The following NTN1 variants were observed in gnomAD, a reference collection of about 807,000 sequenced individuals.
NTN1 encodes the protein netrin-1.
A neutral mutation model predicts 54.2 loss-of-function variants in NTN1; 11 were observed. The ratio of observed to expected loss-of-function variants is 0.20; its 90% CI spans 0.13 to 0.34. NTN1 has a LOEUF of 0.34. Ranked by LOEUF, NTN1 falls within the 10% of genes least tolerant of loss-of-function variation. NTN1 has a pLI of 1.00. For missense variants in NTN1, 740 were observed against 893.1 expected, an observed-to-expected ratio of 0.83 and a Z score of 2.18; for synonymous variants, 371 against 382.0, an observed-to-expected ratio of 0.97 and a Z score of 0.33.
chr17:9,162,768 C>G, intron 2 of NTN1, 45 bp from the exon 3 acceptor site: 1 of 1,560,656 alleles, frequency 6.4e-7, no homozygotes, highest in Non-Finnish European at 8.7e-7. Context: ...TGCCTGTCCT[C>G]CCCGCGCCCC....
chr17:9,186,013 T>C (rs1261682251), intron 5 of NTN1, among the ~76,000 whole-genome samples: 1 of 151,782 alleles, frequency 6.6e-6, no homozygotes, highest in African/African-American at 2.4e-5. Flanking sequence ...GAGCTCCTCC[T>C]GCTGGGGTTT....
chr17:9,040,742 G>T (rs979648628), intron 2 of NTN1, among the ~76,000 whole-genome samples: 1 of 151,674 alleles, frequency 6.6e-6, no homozygotes, highest in African/African-American at 2.4e-5. Context: ...GTTCTTTATT[G>T]TACTCAATGG....
chr17:9,128,695 G>A (rs540896520), intron 2 of NTN1, among the ~76,000 whole-genome samples: 46 of 152,286 alleles, frequency 3.0e-4, no homozygotes, highest in African/African-American at 8.4e-4. Flanking sequence ...TCCCTGTGGT[G>A]TACCGAGGGA....
chr17:9,178,283 G>A (rs1050153664), intron 3 of NTN1, among the ~76,000 whole-genome samples: 2 of 152,308 alleles, frequency 1.3e-5, no homozygotes, highest in South Asian at 2.1e-4. Flanking sequence ...TACAGGCAGG[G>A]AGCCCTGTAG....
chr17:9,070,086 T>C (rs2092027649), intron 2 of NTN1, among the ~76,000 whole-genome samples: 1 of 152,230 alleles, frequency 6.6e-6, no homozygotes. Flanking sequence ...ACTAAGAGGT[T>C]GGACCCTGTA....
chr17:9,195,192 A>ACCGCCCCCCCCCCCCCCCC (rs3031881), intron 5 of NTN1, among the ~76,000 whole-genome samples: 68 of 142,444 alleles, frequency 4.8e-4, no homozygotes, highest in Non-Finnish European at 6.6e-4. Flanking sequence ...GGCGAGCTCT[A>ACCGCCCCCCCCCCCCCCCC]CCACCCCTCC....
intron 2 of NTN1, among the ~76,000 whole-genome samples, chr17:9,126,835 G>A (rs2092248938): frequency 3.9e-5 from 6 of 152,092 alleles, no homozygotes; most frequent in African/African-American, 9.7e-5. Context: ...TCAGCTCGAG[G>A]GGGCTGTATT....
chr17:9,157,445 T>G (rs1174896185), intron 2 of NTN1, among the ~76,000 whole-genome samples: 2 of 152,206 alleles, frequency 1.3e-5, no homozygotes, highest in Non-Finnish European at 2.9e-5. Context: ...GCAGGAATGT[T>G]GAGAGGTAAG....
intron 2 of NTN1, among the ~76,000 whole-genome samples, chr17:9,078,801 GAGTC>G (rs1452947356): frequency 6.6e-6 from 1 of 152,214 alleles, no homozygotes; most frequent in Non-Finnish European, 1.5e-5. Context: ...AAGTATTAGT[GAGTC>G]AGGCAGACAA....
Position 9,239,231 on chromosome 17 carries a change from G to A in NTN1, c.1487-409G>A, listed in dbSNP as rs1906100646. On this transcript the variant is annotated intron_variant, in intron 6 of 6. Transcript: ENST00000173229. The surrounding 1 kb of genome is among the most constrained non-coding windows in gnomAD (Gnocchi z 5.2). Reference sequence around the variant, plus strand: ...AGTGTCATGAGGGCTGGTGTAAAGTGACTTGGGCCTTTGGAGAAGCGCACC... The same window carrying A: ...AGTGTCATGAGGGCTGGTGTAAAGTAACTTGGGCCTTTGGAGAAGCGCACC... Among the ~76,000 whole-genome samples, 1 of 152,206 alleles carries A rather than the reference G, an allele frequency of 6.6e-6. No individual in the cohort carries two copies. Among genetic ancestry groups the A allele is most frequent in the Non-Finnish European group, 1.5e-5 (1 of 68,026 alleles).
intron 3 of NTN1, among the ~76,000 whole-genome samples, chr17:9,168,636 G>T (rs2092379438): frequency 6.6e-6 from 1 of 152,194 alleles, no homozygotes. Context: ...GATAGTGCTT[G>T]CACGTGTGTG....
chr17:9,090,885 C>T (rs1245711379), intron 2 of NTN1, among the ~76,000 whole-genome samples: 3 of 152,134 alleles, frequency 2.0e-5, no homozygotes, highest in Non-Finnish European at 2.9e-5. Context: ...GGGCAAGAGC[C>T]GGGCGGCCCC....
At chr17:9,191,994 A>G (rs1904476121) in intron 5 of NTN1, among the ~76,000 whole-genome samples, 2 of 149,968 alleles carry the variant, frequency 1.3e-5, no homozygotes, top group Admixed American at 6.6e-5. Flanking sequence ...AAAAAGTATT[A>G]GAGATTAGAG....
chr17:9,208,019 G>A (rs1905011841), intron 5 of NTN1, among the ~76,000 whole-genome samples: 1 of 152,170 alleles, frequency 6.6e-6, no homozygotes, highest in Middle Eastern at 3.2e-3. Context: ...GGATCATGAG[G>A]TCAGGAGTTC....
intron 2 of NTN1, among the ~76,000 whole-genome samples, chr17:9,045,312 T>C (rs1310640072): frequency 3.9e-5 from 6 of 152,152 alleles, no homozygotes; most frequent in Non-Finnish European, 7.4e-5. Flanking sequence ...GAAAGGATGG[T>C]GAGGCCACAG....
intron 6 of NTN1, among the ~76,000 whole-genome samples, chr17:9,236,596 C>T (rs1184592175): frequency 1.3e-5 from 2 of 152,344 alleles, no homozygotes; most frequent in South Asian, 4.1e-4. Context: ...CTACCTGTCC[C>T]TGCCCCTGCG....
intron 2 of NTN1, among the ~76,000 whole-genome samples, chr17:9,099,565 C>T (rs2092142984): frequency 6.6e-6 from 1 of 152,102 alleles, no homozygotes; most frequent in Admixed American, 6.6e-5. Flanking sequence ...TTCCTTCCTT[C>T]CTACCTAAAA....
intron 3 of NTN1, among the ~76,000 whole-genome samples, chr17:9,179,459 C>T (rs552636003): frequency 3.0e-4 from 45 of 152,350 alleles, no homozygotes; most frequent in African/African-American, 1.1e-3. Context: ...ATCCCCCGAT[C>T]CTGACTCCTC....
chr17:9,125,069 T>C (rs1473596074), intron 2 of NTN1, among the ~76,000 whole-genome samples: 1 of 152,098 alleles, frequency 6.6e-6, no homozygotes, highest in Non-Finnish European at 1.5e-5. Context: ...TTATCCACCT[T>C]TTATTTTTTT....
Sources: allele counts gnomAD v4.1 joint callset (sites outside exome capture counted in the v4.1 genomes callset), GRCh38; gene constraint gnomAD v4.1.1; non-coding constraint Gnocchi (gnomAD v3.1); transcripts MANE v1.5; gene names NCBI Gene and HGNC (gene_info 2026-07-23, HGNC 2026-07-21).